The following SLC16A4 variants were observed in gnomAD, a reference collection of about 807,000 sequenced individuals.
SLC16A4 encodes the protein solute carrier family 16 member 4, also known as probable monocarboxylate transporter 5.
A neutral mutation model predicts 47.9 loss-of-function variants in SLC16A4; 39 were observed. That is an observed-to-expected ratio of 0.81 (90% CI 0.63 to 1.06). The LOEUF (loss-of-function observed/expected upper bound fraction) is 1.06. Ranked by LOEUF, SLC16A4 falls within the 50% of genes least tolerant of loss-of-function variation. The pLI is 0.00. For synonymous variants in SLC16A4, 189 were observed against 199.9 expected, an observed-to-expected ratio of 0.95 and a Z score of 0.46; for missense variants, 524 against 573.8, an observed-to-expected ratio of 0.91 and a Z score of 0.89.
chr1:110,389,123 T>C (rs530746665), intron 2 of SLC16A4, 114 bp downstream of exon 2: 26 of 870,600 alleles, frequency 3.0e-5, no homozygotes, highest in Non-Finnish European at 2.5e-5. Context: ...TGCCCACCCC[T>C]CCACTCAGAT....
intron 2 of SLC16A4, 66 bp from the exon 3 acceptor site, chr1:110,383,032 TA>T: frequency 7.1e-7 from 1 of 1,411,252 alleles, no homozygotes; most frequent in Non-Finnish European, 9.5e-7. Flanking sequence ...CAATTACGGC[TA>T]CTAGAAGTTA....
chr1:110,380,124 T>C (rs1662292287), intron 5 of SLC16A4, among the ~76,000 whole-genome samples: 1 of 151,124 alleles, frequency 6.6e-6, no homozygotes, highest in Non-Finnish European at 1.5e-5. Flanking sequence ...TGACATTTTT[T>C]AGATCTTCCT....
rs758410746 is a variant in SLC16A4 at position 110,389,366 on chromosome 1, T to C, written c.-32-11A>G. The C allele has an allele frequency of 9.0e-6, 13 of 1,440,766 alleles. No individual in the cohort carries two copies. The Admixed American group carries it at 2.2e-4, about 25-fold the overall frequency. The allele number at this position is 1,440,766 out of a possible 1,614,324, so 89.2% of individuals were successfully genotyped here. A position where few individuals can be genotyped will look rare whatever the true frequency, so the allele number is the denominator to read the frequency against. ...AAATGCAGAAGATCCCTGTGATAAA[T>C]CCAAGACAGTTGATTCAGTGGACCA... On this transcript the variant is annotated splice_polypyrimidine_tract_variant and intron_variant, in intron 1 of 8. Coordinates refer to ENST00000369779, the MANE Select transcript of SLC16A4 (RefSeq NM_004696.3).
At chr1:110,369,439 A>G (rs75980344) in intron 8 of SLC16A4, among the ~76,000 whole-genome samples, 2,158 of 152,154 alleles carry the variant, frequency 0.014, 52 homozygotes, top group African/African-American at 0.05. Context: ...TCTCTACTAA[A>G]AATAGAAAAA....
intron 2 of SLC16A4, among the ~76,000 whole-genome samples, chr1:110,383,838 C>T (rs2018431): frequency 4.0e-5 from 4 of 99,736 alleles, no homozygotes. Flanking sequence ...TTTTTGGAAA[C>T]GGCTGTTAGT....
intron 5 of SLC16A4, 115 bp from the exon 6 acceptor site, chr1:110,379,471 T>A (rs1031016924): frequency 1.4e-5 from 13 of 951,524 alleles, no homozygotes; most frequent in Non-Finnish European, 4.6e-6. Context: ...TTGAAAACAT[T>A]ACTTTGTCTC....
intron 2 of SLC16A4, among the ~76,000 whole-genome samples, chr1:110,387,829 GA>G (rs1176582482): frequency 2.0e-5 from 3 of 152,348 alleles, no homozygotes; most frequent in African/African-American, 7.2e-5. Context: ...TTTCTAGGGG[GA>G]AAATGAGATT....
chr1:110,369,104 A>T (rs984062444), intron 8 of SLC16A4, among the ~76,000 whole-genome samples: 1 of 151,768 alleles, frequency 6.6e-6, no homozygotes, highest in Non-Finnish European at 1.5e-5. Context: ...ACAGGTGCAC[A>T]CCACTACGCC....
intron 8 of SLC16A4, among the ~76,000 whole-genome samples, chr1:110,373,579 AAG>A (rs1195176319): frequency 6.6e-6 from 1 of 152,170 alleles, no homozygotes; most frequent in East Asian, 1.9e-4. Flanking sequence ...AAATGCAAAT[AAG>A]AGAGTTGGTT....
rs375095912 is a variant in SLC16A4 at position 110,376,900 on chromosome 1, A to G, written c.1242+50T>C. 552 of 1,439,512 alleles carry G rather than the reference A, an allele frequency of 3.8e-4. 1 individual carries two copies. Among genetic ancestry groups the G allele is most frequent in the Non-Finnish European group, 5.1e-4 (533 of 1,038,906 alleles). The allele number at this position is 1,439,512 out of a possible 1,614,324, so 89.2% of individuals were successfully genotyped here. ...GTATTTTGGGGAGATTGTTACTGAT[A>G]CTTGCTTTTACTAAATGGTTTAACA... On this transcript the variant is annotated intron_variant, in intron 7 of 8. Transcript: ENST00000369779.
At position 110,363,161 on chromosome 1, in the gene SLC16A4, G is replaced by A. The variant is rs1307893564; in HGVS notation, c.*605C>T. 1.3e-5 allele frequency: 2 copies of A among 152,030 alleles called. No homozygotes were observed. Among genetic ancestry groups the A allele is most frequent in the African/African-American group, 4.8e-5 (2 of 41,378 alleles). 9.4% of individuals were successfully genotyped at this position (152,030 alleles called of 1,614,324 possible). On this transcript the variant is annotated 3_prime_UTR_variant, in exon 9 of 9. Transcript: ENST00000369779. The stretch of plus-strand genomic sequence containing the variant: ...ATATTTTAGTGACTGAATTACCATG[G>A]CGTAATTGAGAGTTTGGATTTATTA...
chr1:110,384,341 T>G (rs1662612617), intron 2 of SLC16A4, among the ~76,000 whole-genome samples: 1 of 152,176 alleles, frequency 6.6e-6, no homozygotes, highest in Non-Finnish European at 1.5e-5. Flanking sequence ...TGAAAAGGGG[T>G]GCTTAATTTT....
At chr1:110,377,222 A>C (rs976388777) in intron 6 of SLC16A4, 61 bp from the exon 7 acceptor site, 72 of 1,342,284 alleles carry the variant, frequency 5.4e-5, no homozygotes, top group Non-Finnish European at 7.1e-5. Flanking sequence ...GAATGCATAC[A>C]GCATCATTTC....
rs1401122754 is a variant in SLC16A4 at position 110,375,502 on chromosome 1, C to T, written c.1292G>A (p.Ser431Asn). The change falls in exon 8 of 9, where the codon AGT becomes AAT. Residue 431 changes from serine (S) to asparagine (N), a missense_variant. By Grantham distance (46) the Ser-to-Asn change is conservative. Coordinates refer to ENST00000369779, the MANE Select transcript of SLC16A4 (RefSeq NM_004696.3). ...STVNRFLGLASFFAGMAVLSG... is the reference protein window; with the variant it reads ...STVNRFLGLANFFAGMAVLSG... ...AAGGACAGCCATCCCAGCAAAGAAA[C>T]TGGCAAGTCCCAAAAACCTGTTTAC... The T allele has an allele frequency of 2.5e-6, 4 of 1,613,400 alleles. No homozygotes were observed. The African/African-American group carries it at 5.3e-5, about 22-fold the overall frequency.
intron 5 of SLC16A4, among the ~76,000 whole-genome samples, chr1:110,380,361 A>T: frequency 6.6e-6 from 1 of 152,182 alleles, no homozygotes; most frequent in Non-Finnish European, 1.5e-5. Context: ...GCATATGAAT[A>T]CACACATATA....
At chr1:110,364,001 G>C in intron 8 of SLC16A4, 108 bp from the exon 9 acceptor site, 1 of 1,153,508 alleles carries the variant, frequency 8.7e-7, no homozygotes, top group Non-Finnish European at 1.2e-6. Context: ...TGACCCATTT[G>C]AACTTAGTGA....
chr1:110,383,231 A>G (rs1002225701), intron 2 of SLC16A4, among the ~76,000 whole-genome samples: 5 of 152,226 alleles, frequency 3.3e-5, no homozygotes, highest in Non-Finnish European at 7.3e-5. Flanking sequence ...AATAATTTAT[A>G]CCAAATAAAC....
At chr1:110,380,676 C>T (rs978957027) in intron 5 of SLC16A4, among the ~76,000 whole-genome samples, 11 of 151,940 alleles carry the variant, frequency 7.2e-5, no homozygotes, top group East Asian at 1.9e-4. Flanking sequence ...CCAGAAGTAT[C>T]GCTTTTACTG....
chr1:110,387,264 A>AT (rs1450131467), intron 2 of SLC16A4, among the ~76,000 whole-genome samples: 2 of 151,840 alleles, frequency 1.3e-5, no homozygotes, highest in African/African-American at 4.8e-5. Context: ...CCCATGGAAC[A>AT]TTCAGTCTAG....
Sources: allele counts gnomAD v4.1 joint callset (sites outside exome capture counted in the v4.1 genomes callset), GRCh38; gene constraint gnomAD v4.1.1; transcripts MANE v1.5; gene names NCBI Gene and HGNC (gene_info 2026-07-23, HGNC 2026-07-21).